LRRC56: variants seen among roughly 807,000 people sequenced by gnomAD.
LRRC56 encodes leucine-rich repeat-containing protein 56.
Under a neutral mutation model 47.8 loss-of-function variants are expected in LRRC56, and 41 were observed. That is an observed-to-expected ratio of 0.86 (90% CI 0.67 to 1.11). The LOEUF (loss-of-function observed/expected upper bound fraction) is 1.11. Ranked by LOEUF, LRRC56 falls within the 50% of genes most tolerant of loss-of-function variation. The pLI, the probability that LRRC56 is intolerant of heterozygous loss-of-function variation, is 0.00. For missense variants in LRRC56, 759 were observed against 704.2 expected, an observed-to-expected ratio of 1.08 and a Z score of -0.88; for synonymous variants, 387 against 311.2, an observed-to-expected ratio of 1.24 and a Z score of -2.56.
At chr11:531,991 T>C in the LRRC56 span, among the ~76,000 whole-genome samples, 1 of 152,214 alleles carries the variant, frequency 6.6e-6, no homozygotes, top group South Asian at 2.1e-4. Flanking sequence ...GACGCCCTCC[T>C]AGTTGGTAGA....
intron 5 of LRRC56, among the ~76,000 whole-genome samples, chr11:543,769 G>A (rs904768331): frequency 4.6e-5 from 7 of 150,950 alleles, no homozygotes; most frequent in South Asian, 4.2e-4. Context: ...TTTTTTTTGA[G>A]ACGGAGTCTC....
At chr11:532,482 C>T in the LRRC56 span, 13 of 1,040,102 alleles carry the variant, frequency 1.2e-5, no homozygotes, top group East Asian at 1.8e-4. Context: ...TCCGTCTGCA[C>T]CTCCTTCCTG....
At chr11:516,854 T>C in the LRRC56 span, among the ~76,000 whole-genome samples, 1 of 151,992 alleles carries the variant, frequency 6.6e-6, no homozygotes, top group African/African-American at 2.4e-5. Context: ...TTTTTCTCCC[T>C]CTCCCTCTCC....
At chr11:517,624 C>A in the LRRC56 span, among the ~76,000 whole-genome samples, 6 of 152,118 alleles carry the variant, frequency 3.9e-5, no homozygotes, top group African/African-American at 1.4e-4. Context: ...GTGAGGAGTG[C>A]CTCTGCCAGG....
At chr11:529,581 G>A in the LRRC56 span, 1 of 152,248 alleles carries the variant, frequency 6.6e-6, no homozygotes, top group African/African-American at 2.4e-5. Context: ...TCTCCCTGCA[G>A]GGACTTCCCA....
At chr11:532,185 C>G in the LRRC56 span, 1 of 317,138 alleles carries the variant, frequency 3.2e-6, no homozygotes, top group South Asian at 4.3e-5. Context: ...GAGGTTCCGA[C>G]ATACCTCATG....
intron 6 of LRRC56, among the ~76,000 whole-genome samples, chr11:549,283 G>A (rs553906561): frequency 3.5e-4 from 53 of 152,344 alleles, no homozygotes; most frequent in African/African-American, 1.2e-3. Flanking sequence ...TAGCAGCGCT[G>A]AAGGGACGGC....
intron 6 of LRRC56, 82 bp from the exon 7 acceptor site, chr11:549,820 T>C: frequency 2.4e-6 from 3 of 1,247,066 alleles, no homozygotes; most frequent in East Asian, 2.3e-5. Context: ...CACCTGCCCC[T>C]ACCCCTGAAG....
In LRRC56 at chr11:550,131, A is replaced by G; in HGVS notation, c.483A>G (p.Gln161=). ...TGAGCCCACTGTGCCTGCTGGAACA[A>G]TTGGAGGTGCTGGACCTGGAGGGCA... The part of the protein sequence containing the change: ...SDLSPLCLLE[Q]LEVLDLEGNS... Residue 161 remains glutamine, a synonymous_variant, in exon 8 of 14, where the codon CAA becomes CAG. Coordinates refer to ENST00000270115, the MANE Select transcript of LRRC56 (RefSeq NM_198075.4). The G allele has an allele frequency of 6.2e-7, 1 of 1,613,540 alleles. No homozygotes were observed. The highest frequency in any genetic ancestry group is 8.5e-7 in the Non-Finnish European group (1 of 1,179,884).
At chr11:546,185 G>A (rs1341385592) in intron 6 of LRRC56, among the ~76,000 whole-genome samples, 1 of 152,114 alleles carries the variant, frequency 6.6e-6, no homozygotes, top group East Asian at 1.9e-4. Flanking sequence ...CAGGAGAGTC[G>A]CTGCAGTGAG....
the LRRC56 span, among the ~76,000 whole-genome samples, chr11:509,714 A>AT: frequency 0.047 from 5,919 of 125,088 alleles, 158 homozygotes; most frequent in Non-Finnish European, 0.05. Context: ...CGCCCGGCTA[A>AT]TTTTTTTTTT....
chr11:507,244 A>C, the LRRC56 span: 1 of 148,328 alleles, frequency 6.7e-6, no homozygotes, highest in African/African-American at 2.5e-5. Flanking sequence ...GGCGTGTTCG[A>C]GCCGGCTCGT....
chr11:518,892 G>A, the LRRC56 span, among the ~76,000 whole-genome samples: 6 of 135,062 alleles, frequency 4.4e-5, no homozygotes, highest in East Asian at 2.0e-4. Context: ...GCCGCTCTGA[G>A]GGACCGGGGC....
At chr11:521,010 C>T in the LRRC56 span, among the ~76,000 whole-genome samples, 275 of 152,352 alleles carry the variant, frequency 1.8e-3, 2 homozygotes, top group African/African-American at 6.5e-3. Context: ...CTCACCGATG[C>T]TCTCGTCTTG....
In LRRC56 at chr11:551,721, C is replaced by A. The variant is rs1852403227; in HGVS notation, c.867C>A (p.Ala289=). ...ELSLPETQSR[A]SRPWPFSLLV... ...CCCTGCCTGAGACGCAGTCCCGGGC[C>A]TCCAGGCCCTGGCCCTTCTCCCTGC... Residue 289 remains alanine, a synonymous_variant, in exon 10 of 14, where the codon GCC becomes GCA. Coordinates refer to ENST00000270115, the MANE Select transcript of LRRC56 (RefSeq NM_198075.4). 6.2e-7 allele frequency: 1 copy of A among 1,611,368 alleles called. No individual in the cohort carries two copies. Among genetic ancestry groups the A allele is most frequent in the Non-Finnish European group, 8.5e-7 (1 of 1,179,208 alleles).
At chr11:540,037 C>T (rs1186767501) in intron 3 of LRRC56, among the ~76,000 whole-genome samples, 1 of 152,210 alleles carries the variant, frequency 6.6e-6, no homozygotes, top group Non-Finnish European at 1.5e-5. Flanking sequence ...TCAGCCTGGC[C>T]CATTCCAGGC....
intron 6 of LRRC56, among the ~76,000 whole-genome samples, chr11:548,581 C>T (rs1852206487): frequency 6.6e-6 from 1 of 152,214 alleles, no homozygotes; most frequent in Admixed American, 6.5e-5. Context: ...CCTCAGCCTC[C>T]CAAAGTGCTG....
At chr11:543,737 A>G (rs773607557) in intron 5 of LRRC56, among the ~76,000 whole-genome samples, 1 of 149,140 alleles carries the variant, frequency 6.7e-6, no homozygotes, top group Admixed American at 6.7e-5. Context: ...GTACCCACAC[A>G]CTCTGCGCCC....
intron 1 of LRRC56, among the ~76,000 whole-genome samples, chr11:538,101 A>G (rs112495825): frequency 1.0e-3 from 155 of 152,288 alleles, no homozygotes; most frequent in African/African-American, 3.4e-3. Flanking sequence ...GGATGGGTTC[A>G]GGCCTGGGTG....
Sources: gnomAD v4.1 joint callset for allele counts (sites outside exome capture counted in the v4.1 genomes callset) on GRCh38, gnomAD v4.1.1 for gene constraint, MANE v1.5 for transcripts, NCBI Gene and HGNC (gene_info 2026-07-23, HGNC 2026-07-21) for gene names.